The following ANLN variants were observed in gnomAD, a reference collection of about 807,000 sequenced individuals.
ANLN encodes anillin.
Under a neutral mutation model 135.1 loss-of-function variants are expected in ANLN, and 59 were observed. That is an observed-to-expected ratio of 0.44 (90% CI 0.35 to 0.54). The LOEUF (loss-of-function observed/expected upper bound fraction) is 0.54. Among genes scored for constraint, ANLN ranks in the 20% least tolerant of loss-of-function variants. The pLI is 0.00. For synonymous variants in ANLN, 406 were observed against 456.4 expected (o/e 0.89, Z 1.41); for missense variants, 1,182 against 1,340.0 (o/e 0.88, Z 1.84).
At chr7:36,395,436 G>A (rs1327115841) in intron 1 of ANLN, among the ~76,000 whole-genome samples, 1 of 152,132 alleles carries the variant, frequency 6.6e-6, no homozygotes, top group Admixed American at 6.5e-5. Flanking sequence ...TCCTGCCTCT[G>A]TGTTTTCCAT....
chr7:36,430,713 C>A (rs1446647934), intron 20 of ANLN, among the ~76,000 whole-genome samples: 4 of 152,180 alleles, frequency 2.6e-5, no homozygotes, highest in Non-Finnish European at 5.9e-5. Flanking sequence ...CCTGAACTAT[C>A]CAGTTTATAC....
At chr7:36,450,481 A>T (rs1374236786) in intron 23 of ANLN, among the ~76,000 whole-genome samples, 1 of 152,194 alleles carries the variant, frequency 6.6e-6, no homozygotes, top group Non-Finnish European at 1.5e-5. Flanking sequence ...TGGATATTGC[A>T]GATGGGGGGA....
chr7:36,424,077 C>A, intron 15 of ANLN, 134 bp downstream of exon 15: 1 of 942,868 alleles, frequency 1.1e-6, no homozygotes, highest in Non-Finnish European at 1.5e-6. Context: ...ACAAATAACC[C>A]ATCTTTCAAT....
intron 15 of ANLN, among the ~76,000 whole-genome samples, chr7:36,424,308 G>A (rs1171773697): frequency 4.6e-5 from 7 of 152,046 alleles, no homozygotes; most frequent in African/African-American, 1.7e-4. Flanking sequence ...GAGTCAAAGT[G>A]CAGTTTGAAA....
intron 2 of ANLN, among the ~76,000 whole-genome samples, chr7:36,396,994 G>C (rs1259277400): frequency 1.3e-5 from 2 of 152,116 alleles, no homozygotes; most frequent in Non-Finnish European, 2.9e-5. Flanking sequence ...TCAATCCTAG[G>C]ATTGATTCCC....
At chr7:36,409,696 G>A (rs1001133897) in intron 5 of ANLN, among the ~76,000 whole-genome samples, 22 of 151,918 alleles carry the variant, frequency 1.4e-4, no homozygotes, top group African/African-American at 4.6e-4. Flanking sequence ...TTGAGACAGG[G>A]TCTCACTTTG....
At chr7:36,407,613 CA>C in intron 4 of ANLN, 120 bp from the exon 5 acceptor site, 1 of 762,612 alleles carries the variant, frequency 1.3e-6, no homozygotes. Flanking sequence ...AGAGCAAAAT[CA>C]TTTCATTTTC....
chr7:36,448,083 C>T (rs1166411749), intron 22 of ANLN, among the ~76,000 whole-genome samples: 1 of 151,972 alleles, frequency 6.6e-6, no homozygotes, highest in Non-Finnish European at 1.5e-5. Flanking sequence ...GGCACGATCT[C>T]GGCTCACTGC....
chr7:36,411,078 C>T lies in ANLN; in HGVS notation c.1307C>T (p.Ala436Val), dbSNP rs773897269. 3.7e-6 allele frequency: 6 copies of T among 1,607,986 alleles called. No individual in the cohort carries two copies. The highest frequency in any genetic ancestry group is 2.2e-5 in the East Asian group (1 of 44,800). Residue 436 changes from alanine to valine, a missense_variant, in exon 7 of 24, where the codon GCA becomes GTA. Around this residue, in one of 3 missense-constraint regions of ANLN, gnomAD observed 1,022 missense variants for 1,134.0 expected, o/e 0.90. Transcript: ENST00000265748. ...QLKQERQKELACLRGRFDKGN... is the reference protein window; with the variant it reads ...QLKQERQKELVCLRGRFDKGN... Reference sequence around the variant, plus strand: ...GTTTAGGAACGTCAAAAAGAACTAGCATGTCTTCGTGGCCGATTTGACAAG... The same window carrying T: ...GTTTAGGAACGTCAAAAAGAACTAGTATGTCTTCGTGGCCGATTTGACAAG...
At chr7:36,441,906 A>G (rs896182110) in intron 21 of ANLN, among the ~76,000 whole-genome samples, 3 of 152,182 alleles carry the variant, frequency 2.0e-5, no homozygotes, top group Non-Finnish European at 2.9e-5. Context: ...GGGAGCTGTA[A>G]GCAGTGTTGC....
chr7:36,412,933 T>C (rs1171677135), intron 7 of ANLN, among the ~76,000 whole-genome samples: 1 of 152,020 alleles, frequency 6.6e-6, no homozygotes, highest in Non-Finnish European at 1.5e-5. Flanking sequence ...TAATCCCCTC[T>C]AGGAATTCTT....
chr7:36,405,980 T>A lies in ANLN; in HGVS notation c.488-201T>A, dbSNP rs1362270. Among the ~76,000 whole-genome samples, 38,447 of 152,092 alleles carry A rather than the reference T, an allele frequency of 0.25. 4,987 individuals are homozygous for A. The highest frequency in any genetic ancestry group is 0.41 in the East Asian group (2,119 of 5,178). ...AAAAATAGATCTAATAGTTTTTTTT[T>A]AATTTCGGATTTAATATCATTTGAT... On this transcript the variant is annotated intron_variant, in intron 3 of 23. Transcript: ENST00000265748.
chr7:36,425,836 T>A, intron 18 of ANLN, 96 bp downstream of exon 18: 1 of 1,340,816 alleles, frequency 7.5e-7, no homozygotes, highest in African/African-American at 1.5e-5. Flanking sequence ...CCTTGAGCAC[T>A]GTGGAAAATT....
At chr7:36,443,611 A>G in intron 21 of ANLN, 144 bp from the exon 22 acceptor site, 1 of 584,808 alleles carries the variant, frequency 1.7e-6, no homozygotes, top group South Asian at 2.4e-5. Context: ...TTATTAAGAT[A>G]AAAGACATGA....
chr7:36,433,145 T>G (rs1215010590), intron 20 of ANLN, among the ~76,000 whole-genome samples: 1 of 152,212 alleles, frequency 6.6e-6, no homozygotes, highest in Non-Finnish European at 1.5e-5. Context: ...GAAACTTTTA[T>G]ATTTTTATAA....
rs148687688 is a variant in ANLN at position 36,411,148 on chromosome 7, A to G, written c.1377A>G (p.Lys459=). Reference sequence around the variant, plus strand: ...AAAAAGGCGGAAACTCAAAAAGCAAACAACTAGAAACCAAACAGGTAATGT... The same window carrying G: ...AAAAAGGCGGAAACTCAAAAAGCAAGCAACTAGAAACCAAACAGGTAATGT... ...SAEKGGNSKS[K]QLETKQETHC... The change falls in exon 7 of 24, where the codon AAA becomes AAG. Residue 459 remains lysine (K), a synonymous_variant. Coordinates refer to ENST00000265748, the MANE Select transcript of ANLN (RefSeq NM_018685.5). 6.6e-4 allele frequency: 1,054 copies of G among 1,605,778 alleles called. 2 individuals carry two copies. The highest frequency in any genetic ancestry group is 8.7e-4 in the Non-Finnish European group (1,029 of 1,178,182).
intron 20 of ANLN, among the ~76,000 whole-genome samples, chr7:36,436,045 A>G (rs953487244): frequency 2.0e-5 from 3 of 152,120 alleles, no homozygotes; most frequent in African/African-American, 7.2e-5. Flanking sequence ...TGTTCAAAAT[A>G]CCTCTGTCTA....
In ANLN at chr7:36,425,154, CTT is replaced by C. The variant is rs111534943; in HGVS notation, c.2709+422_2709+423del. Among the ~76,000 whole-genome samples, 4 of 146,854 alleles carry C rather than the reference CTT, an allele frequency of 2.7e-5. No individual in the cohort carries two copies. In the East Asian group the frequency reaches 8.0e-4, roughly 29 times the overall value. ...TTTTCTTAAGTCATCATTTTAAAAA[CTT>C]TTTTTTTTTAGCTCTAACAAAAAAG... is the stretch of plus-strand genomic sequence containing the variant. On this transcript the variant is annotated intron_variant, in intron 17 of 23. Transcript: ENST00000265748.
intron 9 of ANLN, among the ~76,000 whole-genome samples, chr7:36,417,674 C>CTT (rs70977138): frequency 0.027 from 2,639 of 97,164 alleles, 84 homozygotes; most frequent in African/African-American, 0.038. Flanking sequence ...CTCAAACTTC[C>CTT]TTTTTTTTTT....
Sources: gnomAD v4.1 joint callset for allele counts (sites outside exome capture counted in the v4.1 genomes callset) on GRCh38, gnomAD v4.1.1 for gene constraint, gnomAD v4.1.1 regional missense constraint, MANE v1.5 for transcripts, NCBI Gene and HGNC (gene_info 2026-07-23, HGNC 2026-07-21) for gene names.